The following ARHGEF3 variants were observed in gnomAD, a reference collection of about 807,000 sequenced individuals.
The protein encoded by ARHGEF3 is Rho guanine nucleotide exchange factor 3, also known as 59.8 kDA protein.
Under a neutral mutation model 63.2 loss-of-function variants are expected in ARHGEF3, and 28 were observed. The ratio of observed to expected loss-of-function variants is 0.44; its 90% CI spans 0.33 to 0.61. The LOEUF is 0.61. Ranked by LOEUF, ARHGEF3 falls within the 20% of genes least tolerant of loss-of-function variation. The probability of loss-of-function intolerance (pLI) is 0.03; values close to 1 mark genes in which losing one functional copy is unlikely to be tolerated. For missense variants in ARHGEF3, 533 were observed against 659.3 expected (o/e 0.81, Z 2.10); for synonymous variants, 266 against 254.2 (o/e 1.05, Z -0.44).
intron 2 of ARHGEF3, among the ~76,000 whole-genome samples, chr3:57,003,966 G>C (rs1276785642): frequency 6.6e-6 from 1 of 152,242 alleles, no homozygotes; most frequent in Non-Finnish European, 1.5e-5. Context: ...TGTGTTGTTT[G>C]AAATTGCCAG....
At chr3:57,037,901 C>CAAAAAA (rs71294717) in intron 1 of ARHGEF3, among the ~76,000 whole-genome samples, 2 of 151,966 alleles carry the variant, frequency 1.3e-5, no homozygotes, top group Non-Finnish European at 2.9e-5. Context: ...CAAAACAAAA[C>CAAAAAA]AAAACCCATC....
chr3:56,945,544 C>A (rs959296834), intron 3 of ARHGEF3, among the ~76,000 whole-genome samples: 6 of 152,126 alleles, frequency 3.9e-5, no homozygotes, highest in Admixed American at 2.6e-4. Context: ...TGAGATCAAA[C>A]TGCAAGGCAG....
upstream of ARHGEF3, among the ~76,000 whole-genome samples, chr3:56,803,918 TTTG>T (rs2037771279): frequency 6.6e-6 from 1 of 151,944 alleles, no homozygotes; most frequent in African/African-American, 2.4e-5. Context: ...AGGGTCTTGC[TTTG>T]TTGCCCAGGC....
At chr3:56,784,328 C>T (rs933093274) in intron 1 of ARHGEF3, among the ~76,000 whole-genome samples, 5 of 152,152 alleles carry the variant, frequency 3.3e-5, no homozygotes, top group Admixed American at 1.3e-4. Context: ...ACAGAAATAA[C>T]GTGCCTATAA....
intron 1 of ARHGEF3, among the ~76,000 whole-genome samples, chr3:56,791,805 A>G (rs1029132212): frequency 1.3e-5 from 2 of 152,044 alleles, no homozygotes; most frequent in African/African-American, 4.8e-5. Flanking sequence ...AAAAAAAGAA[A>G]AATGAAGAAA....
rs376170856 is a variant in ARHGEF3 at position 56,851,309 on chromosome 3, C to T, written c.192+30983G>A. On this transcript the variant is annotated intron_variant, in intron 4 of 12. Coordinates refer to the ARHGEF3 transcript ENST00000338458. ...CTCTCTCCTGCCCTCCTTCAATACC[C>T]GAATCATCCTCACCTGGACTATCTC... 1.6e-4 allele frequency among the ~76,000 whole-genome samples: 25 copies of T among 152,276 alleles called. 2 individuals carry two copies. The highest frequency in any genetic ancestry group is 6.5e-4 in the Admixed American group (10 of 15,300).
In ARHGEF3 at chr3:56,751,149, A is replaced by C. The variant is rs1303542941; in HGVS notation, c.536-17T>G. The C allele has an allele frequency of 1.9e-6, 3 of 1,613,168 alleles. No homozygotes were observed. The Admixed American group carries it at 5.0e-5, about 27-fold the overall frequency. On this transcript the variant is annotated splice_polypyrimidine_tract_variant and intron_variant, in intron 5 of 9. Transcript: ENST00000296315. ...TAAGGAGCTCTGGCAAAAAACAAAC[A>C]GATGCTTATTTGTTAGGCATTCAAA...
At chr3:57,053,548 T>C (rs1446691595) in intron 1 of ARHGEF3, among the ~76,000 whole-genome samples, 1 of 152,242 alleles carries the variant, frequency 6.6e-6, no homozygotes, top group Non-Finnish European at 1.5e-5. Flanking sequence ...ATCTTAAGTA[T>C]ACAACTCAAT....
chr3:57,052,921 G>T (rs1316574801), intron 1 of ARHGEF3, among the ~76,000 whole-genome samples: 3 of 152,138 alleles, frequency 2.0e-5, no homozygotes, highest in Non-Finnish European at 4.4e-5. Flanking sequence ...TGACAGGGCT[G>T]CCCCAGGCCA....
At chr3:56,967,489 TTA>T (rs1198052957) in intron 2 of ARHGEF3, among the ~76,000 whole-genome samples, 5 of 86,528 alleles carry the variant, frequency 5.8e-5, no homozygotes, top group African/African-American at 2.4e-4. Flanking sequence ...ATATAATATA[TTA>T]AATATATTAC....
intron 1 of ARHGEF3, among the ~76,000 whole-genome samples, chr3:56,789,939 T>A (rs1321482940): frequency 1.3e-5 from 2 of 152,230 alleles, no homozygotes; most frequent in African/African-American, 4.8e-5. Flanking sequence ...AAGGATCAGA[T>A]AATTTAAAAG....
At chr3:56,731,045 T>C (rs2033118063) in intron 9 of ARHGEF3, among the ~76,000 whole-genome samples, 1 of 152,180 alleles carries the variant, frequency 6.6e-6, no homozygotes, top group Admixed American at 6.5e-5. Flanking sequence ...TACATGTAAA[T>C]GCTTATACAA....
At chr3:56,743,224 T>C (rs2034157266) in intron 7 of ARHGEF3, among the ~76,000 whole-genome samples, 2 of 152,244 alleles carry the variant, frequency 1.3e-5, no homozygotes, top group African/African-American at 4.8e-5. Context: ...GCCAGATACA[T>C]TGAATACCTC....
intron 2 of ARHGEF3, among the ~76,000 whole-genome samples, chr3:56,967,865 TATATA>T (rs1451695690): frequency 8.3e-5 from 6 of 72,138 alleles, no homozygotes; most frequent in South Asian, 4.3e-4. Flanking sequence ...TATAATGACA[TATATA>T]ATATATAATA....
intron 2 of ARHGEF3, among the ~76,000 whole-genome samples, chr3:57,016,578 C>CA (rs1703013888): frequency 6.6e-6 from 1 of 152,014 alleles, no homozygotes; most frequent in Non-Finnish European, 1.5e-5. Flanking sequence ...AAAAGGAGAT[C>CA]AAATCACATA....
At chr3:56,748,549 A>ATT (rs71072193) in intron 6 of ARHGEF3, among the ~76,000 whole-genome samples, 18 of 136,738 alleles carry the variant, frequency 1.3e-4, no homozygotes, top group African/African-American at 3.8e-4. Flanking sequence ...GAAAAAATCT[A>ATT]TTTTTTTTTT....
At chr3:56,973,048 G>C (rs531688920) in intron 2 of ARHGEF3, among the ~76,000 whole-genome samples, 1 of 150,150 alleles carries the variant, frequency 6.7e-6, no homozygotes, top group Non-Finnish European at 1.5e-5. Flanking sequence ...ATGGAGTCTC[G>C]CTCTGTCGCC....
At chr3:56,837,575 A>G (rs567303788) in intron 4 of ARHGEF3, among the ~76,000 whole-genome samples, 2 of 152,324 alleles carry the variant, frequency 1.3e-5, no homozygotes, top group South Asian at 4.1e-4. Context: ...TTCATGAAGC[A>G]ACTAAAAGCT....
At chr3:56,958,008 T>G (rs1578950859) in intron 3 of ARHGEF3, among the ~76,000 whole-genome samples, 1 of 152,110 alleles carries the variant, frequency 6.6e-6, no homozygotes, top group Admixed American at 6.6e-5. Flanking sequence ...CCTCTATATC[T>G]CCCAAGCAAG....
Sources: gnomAD v4.1 joint callset for allele counts (sites outside exome capture counted in the v4.1 genomes callset) on GRCh38, gnomAD v4.1.1 for gene constraint, MANE v1.5 for transcripts, NCBI Gene and HGNC (gene_info 2026-07-23, HGNC 2026-07-21) for gene names.